Variants in PTPN13 observed in about 807,000 individuals in gnomAD.
PTPN13 encodes protein tyrosine phosphatase non-receptor type 13.
PTPN13 carries 191 observed loss-of-function variants against 284.0 expected under a neutral mutation model. The ratio of observed to expected loss-of-function variants is 0.67; its 90% CI spans 0.60 to 0.76. The LOEUF (loss-of-function observed/expected upper bound fraction) is 0.76, where lower values mean the gene tolerates loss of function less well. Among genes scored for constraint, PTPN13 ranks in the 30% least tolerant of loss-of-function variants. The probability of loss-of-function intolerance (pLI) is 0.00; values close to 1 mark genes in which losing one functional copy is unlikely to be tolerated. For synonymous variants in PTPN13, 986 were observed against 1,022.3 expected (o/e 0.96, Z 0.68); for missense variants, 2,797 against 2,939.9 (o/e 0.95, Z 1.12).
intron 9 of PTPN13, among the ~76,000 whole-genome samples, chr4:86,717,435 C>T (rs958069846): frequency 3.3e-5 from 5 of 151,992 alleles, no homozygotes; most frequent in African/African-American, 9.7e-5. Context: ...GTGATCCACC[C>T]GCCTCAGCCT....
chr4:86,814,531 C>T lies in PTPN13; in HGVS notation c.7438C>T (p.Gln2480Ter), dbSNP rs141447730. Residue 2480 changes from glutamine (Q) to a stop codon, truncating the protein, a stop_gained, in exon 48 of 48, where the codon CAG becomes TAG. Coordinates refer to ENST00000411767, the MANE Select transcript of PTPN13 (RefSeq NM_080683.3). LOFTEE classifies it high-confidence loss of function. ...RLQAEEEQKQ[Q>*]PQLLK The stretch of plus-strand genomic sequence containing the variant: ...TCAAGCAGAAGAAGAGCAAAAACAG[C>T]AGCCTCAGCTTCTGAAGTGACATGA... The T allele has an allele frequency of 6.2e-7, 1 of 1,611,734 alleles. No individual in the cohort carries two copies. The highest frequency in any genetic ancestry group is 1.3e-5 in the African/African-American group (1 of 74,850).
intron 28 of PTPN13, among the ~76,000 whole-genome samples, chr4:86,768,251 G>C (rs1212567413): frequency 2.0e-5 from 3 of 152,168 alleles, no homozygotes; most frequent in Non-Finnish European, 4.4e-5. Flanking sequence ...AATTTGGTAA[G>C]TGAAAAAATA....
chr4:86,762,130 G>A (rs926722967), intron 23 of PTPN13, among the ~76,000 whole-genome samples: 2 of 152,074 alleles, frequency 1.3e-5, no homozygotes, highest in African/African-American at 2.4e-5. Flanking sequence ...ACACCATCAC[G>A]CCCAGCTAAT....
intron 2 of PTPN13, among the ~76,000 whole-genome samples, chr4:86,652,289 A>G (rs1725176173): frequency 6.6e-6 from 1 of 152,152 alleles, no homozygotes; most frequent in African/African-American, 2.4e-5. Flanking sequence ...TAAAATATGC[A>G]TGATTTATAT....
chr4:86,618,491 G>A (rs1162621475), intron 1 of PTPN13, among the ~76,000 whole-genome samples: 1 of 152,086 alleles, frequency 6.6e-6, no homozygotes, highest in Non-Finnish European at 1.5e-5. Flanking sequence ...GATGGGGATG[G>A]CATTGAATCT....
chr4:86,737,767 G>C (rs1050797387), intron 15 of PTPN13, among the ~76,000 whole-genome samples: 5 of 151,708 alleles, frequency 3.3e-5, no homozygotes, highest in African/African-American at 9.7e-5. Context: ...GTCTCACTCT[G>C]TTGCCAGGTA....
chr4:86,721,065 A>G (rs112442143), intron 9 of PTPN13, among the ~76,000 whole-genome samples: 1 of 151,896 alleles, frequency 6.6e-6, no homozygotes, highest in African/African-American at 2.4e-5. Context: ...GACTCCAAAC[A>G]GAGTTGTTTT....
intron 45 of PTPN13, 59 bp from the exon 46 acceptor site, chr4:86,809,706 GAATT>G: frequency 6.9e-7 from 1 of 1,458,126 alleles, no homozygotes; most frequent in East Asian, 2.3e-5. Context: ...AGAAAAAAAA[GAATT>G]AACTGTATGT....
rs1391253366 is a variant in PTPN13 at position 86,624,425 on chromosome 4, T to C, written c.-5-10827T>C. Among the ~76,000 whole-genome samples, 4 of 152,298 alleles carry C rather than the reference T, an allele frequency of 2.6e-5. No homozygotes were observed. The East Asian group carries it at 7.7e-4, about 29-fold the overall frequency. On this transcript the variant is annotated intron_variant, in intron 1 of 47. Transcript: ENST00000411767. ...ATATATGATTCTATAGTACCTGAGC[T>C]CTGCAGCTCTAATAGTCCCTTTGCT...
intron 1 of PTPN13, among the ~76,000 whole-genome samples, chr4:86,603,809 T>C (rs1021847355): frequency 3.9e-5 from 6 of 152,120 alleles, no homozygotes; most frequent in Non-Finnish European, 8.8e-5. Flanking sequence ...ATGATGCTAA[T>C]AAAGTACCTC....
At chr4:86,794,342 G>A (rs1743062305) in intron 40 of PTPN13, among the ~76,000 whole-genome samples, 1 of 152,036 alleles carries the variant, frequency 6.6e-6, no homozygotes, top group African/African-American at 2.4e-5. Flanking sequence ...ACTTACGAGG[G>A]ATGTGAAGGA....
intron 16 of PTPN13, among the ~76,000 whole-genome samples, chr4:86,742,955 G>A (rs545345096): frequency 6.6e-6 from 1 of 152,298 alleles, no homozygotes; most frequent in East Asian, 1.9e-4. Flanking sequence ...TGTGGGAATA[G>A]AGAATAGTTT....
In PTPN13 at chr4:86,708,052, A is replaced by T. The variant is rs1389224469; in HGVS notation, c.1195+6251A>T. ...AATTTAGACCAGTATTGTCCAACAG[A>T]ATTTCTTCAATGGAGGAAATAGTCT... On this transcript the variant is annotated intron_variant, in intron 7 of 47. Transcript: ENST00000411767. Among the ~76,000 whole-genome samples the T allele has an allele frequency of 2.0e-5, 3 of 152,192 alleles. No individual in the cohort carries two copies. The East Asian group carries it at 5.8e-4, about 29-fold the overall frequency.
chr4:86,789,341 A>G (rs1048424342), intron 40 of PTPN13, among the ~76,000 whole-genome samples: 1 of 151,964 alleles, frequency 6.6e-6, no homozygotes, highest in Non-Finnish European at 1.5e-5. Flanking sequence ...ACTTTTAGTG[A>G]CTCTCCATCA....
At chr4:86,605,325 G>GA (rs1411362312) in intron 1 of PTPN13, among the ~76,000 whole-genome samples, 1 of 151,886 alleles carries the variant, frequency 6.6e-6, no homozygotes, top group Non-Finnish European at 1.5e-5. Context: ...TGAAATGGGG[G>GA]ATGATATTTG....
At chr4:86,772,309 T>C (rs1740089190) in intron 31 of PTPN13, among the ~76,000 whole-genome samples, 1 of 152,124 alleles carries the variant, frequency 6.6e-6, no homozygotes, top group Admixed American at 6.5e-5. Flanking sequence ...ATCCCAGCAT[T>C]TTGGGAGGCC....
At chr4:86,747,374 G>A (rs10000891) in intron 17 of PTPN13, among the ~76,000 whole-genome samples, 12,437 of 152,172 alleles carry the variant, frequency 0.082, 645 homozygotes, top group Non-Finnish European at 0.11. Context: ...GAATTCATAC[G>A]TGTAGAATCC....
chr4:86,623,615 G>A (rs1009700925), intron 1 of PTPN13, among the ~76,000 whole-genome samples: 1 of 152,138 alleles, frequency 6.6e-6, no homozygotes, highest in African/African-American at 2.4e-5. Flanking sequence ...CAGAATTTTA[G>A]ACTTTAGGGA....
chr4:86,798,530 A>G lies in PTPN13; in HGVS notation c.6402-571A>G, dbSNP rs115548587. 9.7e-3 allele frequency among the ~76,000 whole-genome samples: 1,475 copies of G among 152,230 alleles called. 30 individuals carry two copies. Among genetic ancestry groups the G allele is most frequent in the African/African-American group, 0.034 (1,412 of 41,546 alleles). ...TTTTCACTTCACCTTAGCACTAAAC[A>G]CCGTTCTCCTACCTAGTTTCTCTTT... is the stretch of plus-strand genomic sequence containing the variant. On this transcript the variant is annotated intron_variant, in intron 41 of 47. Transcript: ENST00000411767.
Sources: gnomAD v4.1 joint callset for allele counts (sites outside exome capture counted in the v4.1 genomes callset) on GRCh38, gnomAD v4.1.1 for gene constraint, MANE v1.5 for transcripts, NCBI Gene and HGNC (gene_info 2026-07-23, HGNC 2026-07-21) for gene names.